The following ADSS2 variants were observed in gnomAD, a reference collection of about 807,000 sequenced individuals.
ADSS2 encodes adenylosuccinate synthetase isozyme 2.
A neutral mutation model predicts 60.0 loss-of-function variants in ADSS2; 30 were observed. The ratio of observed to expected loss-of-function variants is 0.50; its 90% confidence interval spans 0.37 to 0.68. ADSS2 has a LOEUF of 0.68. Ranked by LOEUF, ADSS2 falls within the 30% of genes least tolerant of loss-of-function variation. The pLI, the probability that ADSS2 is intolerant of heterozygous loss-of-function variation, is 0.00. For missense variants in ADSS2, 373 were observed against 554.8 expected, an observed-to-expected ratio of 0.67 and a Z score of 3.29; for synonymous variants, 187 against 193.1, an observed-to-expected ratio of 0.97 and a Z score of 0.26.
chr1:244,423,890 T>C, intron 6 of ADSS2, 63 bp downstream of exon 6: 1 of 1,370,484 alleles, frequency 7.3e-7, no homozygotes, highest in Non-Finnish European at 1.0e-6. Context: ...TTTTGCACCC[T>C]AGATTTTAAA....
intron 4 of ADSS2, among the ~76,000 whole-genome samples, chr1:244,428,388 T>C (rs1664855353): frequency 6.6e-6 from 1 of 152,118 alleles, no homozygotes; most frequent in South Asian, 2.1e-4. Flanking sequence ...TTGAACTGAA[T>C]GGAAATGATT....
At position 244,408,809 on chromosome 1, in the gene ADSS2, A is replaced by C. The variant is rs1282441989; in HGVS notation, c.*777T>G. On this transcript the variant is annotated 3_prime_UTR_variant, in exon 13 of 13. Transcript: ENST00000366535. ...ATAAAAAAGAAAAGATACACATTTC[A>C]GAGGTAATGTTTGAAATTAAAGAAA... 6.6e-6 allele frequency: 1 copy of C among 152,320 alleles called. No homozygotes were observed. Among genetic ancestry groups the C allele is most frequent in the African/African-American group, 2.4e-5 (1 of 41,454 alleles). 9.4% of individuals were successfully genotyped at this position (152,320 alleles called of 1,614,324 possible).
intron 7 of ADSS2, among the ~76,000 whole-genome samples, chr1:244,421,945 G>A (rs1258184559): frequency 1.3e-5 from 2 of 152,158 alleles, no homozygotes; most frequent in Non-Finnish European, 2.9e-5. Context: ...CTGTACTCCA[G>A]CCTGAGTGAC....
chr1:244,443,186 C>T (rs911275092), intron 1 of ADSS2, among the ~76,000 whole-genome samples: 2 of 152,176 alleles, frequency 1.3e-5, no homozygotes, highest in African/African-American at 2.4e-5. Context: ...CTACTTCTAA[C>T]GGAAACATAC....
intron 1 of ADSS2, among the ~76,000 whole-genome samples, chr1:244,449,975 C>T (rs898149818): frequency 3.3e-5 from 5 of 152,158 alleles, no homozygotes; most frequent in Admixed American, 6.5e-5. Flanking sequence ...ATTGAGGATC[C>T]TTTAGAATAA....
intron 1 of ADSS2, among the ~76,000 whole-genome samples, chr1:244,444,005 T>G (rs1665317934): frequency 6.6e-6 from 1 of 152,140 alleles, no homozygotes; most frequent in Non-Finnish European, 1.5e-5. Flanking sequence ...AAAAACAGCA[T>G]GAGTCCACAA....
At chr1:244,430,843 C>T (rs1425166781) in intron 4 of ADSS2, among the ~76,000 whole-genome samples, 2 of 152,244 alleles carry the variant, frequency 1.3e-5, no homozygotes, top group South Asian at 2.1e-4. Context: ...TTAGTTGGGC[C>T]GGATGCAGTG....
At chr1:244,437,635 A>G (rs1328845389) in intron 2 of ADSS2, 31 bp downstream of exon 2, 2 of 1,410,134 alleles carry the variant, frequency 1.4e-6, no homozygotes, top group African/African-American at 2.8e-5. Flanking sequence ...GGTGGGGGGG[A>G]ATCTCCATGC....
At chr1:244,419,101 G>T in intron 8 of ADSS2, 187 bp from the exon 9 acceptor site, 2 of 575,598 alleles carry the variant, frequency 3.5e-6, no homozygotes, top group African/African-American at 1.9e-5. Flanking sequence ...TAAAAACGAG[G>T]TCAGAGCTTT....
intron 4 of ADSS2, 32 bp downstream of exon 4, chr1:244,432,513 A>T: frequency 1.4e-6 from 2 of 1,417,672 alleles, no homozygotes; most frequent in Non-Finnish European, 1.9e-6. Flanking sequence ...ATAAAAAGAT[A>T]GTTACAAATA....
chr1:244,451,931 C>T (rs1665635118), upstream of ADSS2: 2 of 1,121,280 alleles, frequency 1.8e-6, no homozygotes, highest in Admixed American at 3.2e-5. This position sits in a 1 kb window ranked among gnomAD's most constrained non-coding sequence, Gnocchi z 6.6. Flanking sequence ...CAGAGGCCGG[C>T]CCCGCCCCCG....
At chr1:244,417,521 G>T in intron 10 of ADSS2, 107 bp downstream of exon 10, 1 of 1,333,946 alleles carries the variant, frequency 7.5e-7, no homozygotes, top group Non-Finnish European at 1.0e-6. Context: ...ATTTCAATAT[G>T]GAGTCTAAAG....
At chr1:244,444,604 G>A (rs1164646093) in intron 1 of ADSS2, among the ~76,000 whole-genome samples, 1 of 149,398 alleles carries the variant, frequency 6.7e-6, no homozygotes, top group Non-Finnish European at 1.5e-5. Context: ...TCATCACAGA[G>A]CTATGAAATA....
At chr1:244,423,893 AT>A in intron 6 of ADSS2, 59 bp downstream of exon 6, 1 of 1,414,480 alleles carries the variant, frequency 7.1e-7, no homozygotes, top group South Asian at 1.3e-5. Context: ...TGCACCCTAG[AT>A]TTTAAAAAAA....
At chr1:244,423,735 G>C (rs972035885) in intron 6 of ADSS2, among the ~76,000 whole-genome samples, 11 of 152,004 alleles carry the variant, frequency 7.2e-5, no homozygotes, top group African/African-American at 2.2e-4. Context: ...GTCTTCTTAG[G>C]ACATTCTATT....
chr1:244,420,064 C>A, intron 8 of ADSS2, 106 bp downstream of exon 8: 3 of 1,209,940 alleles, frequency 2.5e-6, no homozygotes, highest in Non-Finnish European at 3.4e-6. Flanking sequence ...AATATACAAG[C>A]TAAAAACATT....
At chr1:244,441,517 G>GTT (rs199523450) in intron 1 of ADSS2, among the ~76,000 whole-genome samples, 4 of 150,988 alleles carry the variant, frequency 2.6e-5, no homozygotes, top group South Asian at 4.2e-4. Flanking sequence ...GTCAAACCAG[G>GTT]TTTTTTTTTA....
At chr1:244,435,168 CAAAAAAAAAAAA>C (rs60576167) in intron 3 of ADSS2, among the ~76,000 whole-genome samples, 776 of 51,772 alleles carry the variant, frequency 0.015, 15 homozygotes, top group African/African-American at 0.061. Context: ...ACTCCGTCTC[CAAAAAAAAAAAA>C]AAAAAAAAAA....
At chr1:244,414,322 G>A (rs1259539569) in intron 11 of ADSS2, among the ~76,000 whole-genome samples, 2 of 152,140 alleles carry the variant, frequency 1.3e-5, no homozygotes, top group Admixed American at 1.3e-4. Context: ...TATAAATTAA[G>A]CAAATTTCAT....
Sources: gnomAD v4.1 joint callset for allele counts (sites outside exome capture counted in the v4.1 genomes callset) on GRCh38, gnomAD v4.1.1 for gene constraint, Gnocchi (gnomAD v3.1) non-coding constraint, MANE v1.5 for transcripts, NCBI Gene and HGNC (gene_info 2026-07-23, HGNC 2026-07-21) for gene names.